The following MED27 variants were observed in gnomAD, a reference collection of about 807,000 sequenced individuals.
MED27 encodes mediator of RNA polymerase II transcription subunit 27.
MED27 carries 30 observed loss-of-function variants against 38.2 expected under a neutral mutation model. The observed-to-expected ratio is 0.79, with a 90% confidence interval of 0.59 to 1.07. The LOEUF is 1.07. Ranked by LOEUF, MED27 falls within the 50% of genes least tolerant of loss-of-function variation. The probability of loss-of-function intolerance (pLI) is 0.00; values close to 1 mark genes in which losing one functional copy is unlikely to be tolerated. For synonymous variants in MED27, 122 were observed against 153.5 expected, an observed-to-expected ratio of 0.79 and a Z score of 1.52; for missense variants, 289 against 397.5, an observed-to-expected ratio of 0.73 and a Z score of 2.32.
intron 3 of MED27, among the ~76,000 whole-genome samples, chr9:131,992,321 A>G (rs897288022): frequency 1.4e-4 from 22 of 152,216 alleles, no homozygotes; most frequent in Non-Finnish European, 1.8e-4. Flanking sequence ...GAACATGGAA[A>G]ACATCTCAAT....
At chr9:132,071,026 G>A (rs1833923292) in intron 2 of MED27, among the ~76,000 whole-genome samples, 1 of 152,316 alleles carries the variant, frequency 6.6e-6, no homozygotes, top group South Asian at 2.1e-4. Context: ...ACCACTGCCT[G>A]GAACCTGTCC....
chr9:131,955,499 G>A (rs1831078236), intron 3 of MED27, among the ~76,000 whole-genome samples: 1 of 152,138 alleles, frequency 6.6e-6, no homozygotes, highest in African/African-American at 2.4e-5. Context: ...CAACAAAACT[G>A]AGAAGTCGCT....
intron 3 of MED27, among the ~76,000 whole-genome samples, chr9:131,972,347 T>G (rs1212186092): frequency 2.6e-5 from 4 of 152,188 alleles, no homozygotes; most frequent in Non-Finnish European, 4.4e-5. Context: ...CACTTATTCT[T>G]ACACCAAATG....
At chr9:131,871,078 C>T (rs1383028157) in intron 6 of MED27, among the ~76,000 whole-genome samples, 1 of 152,072 alleles carries the variant, frequency 6.6e-6, no homozygotes, top group Non-Finnish European at 1.5e-5. Flanking sequence ...ACCCCAGATT[C>T]AGTGTGCATC....
chr9:131,989,698 A>C (rs1210674222), intron 3 of MED27, among the ~76,000 whole-genome samples: 1 of 152,106 alleles, frequency 6.6e-6, no homozygotes, highest in Non-Finnish European at 1.5e-5. Context: ...AGAACCATAC[A>C]ATAAACTTTT....
At chr9:132,002,656 A>C (rs1832263146) in intron 3 of MED27, among the ~76,000 whole-genome samples, 1 of 152,238 alleles carries the variant, frequency 6.6e-6, no homozygotes, top group Non-Finnish European at 1.5e-5. Flanking sequence ...TCTCGCCTAT[A>C]ATCCCAGCCC....
chr9:132,003,092 TA>T lies in MED27; in HGVS notation c.479+11244del, dbSNP rs113279679. ...GCTCTTTGTTATGCAAAGAGAGATT[TA>T]AAAAAAAAAATGGATCCAGCTTCTA... On this transcript the variant is annotated intron_variant, in intron 3 of 7. Coordinates refer to ENST00000292035, the MANE Select transcript of MED27 (RefSeq NM_004269.4). This position sits in a 1 kb window ranked among gnomAD's most constrained non-coding sequence, Gnocchi z 4.2. Among the ~76,000 whole-genome samples the T allele has an allele frequency of 0.015, 2,176 of 147,886 alleles. 46 individuals are homozygous for T. Among genetic ancestry groups the T allele is most frequent in the African/African-American group, 0.046 (1,843 of 40,466 alleles).
At chr9:131,911,230 G>A (rs774548030) in intron 4 of MED27, among the ~76,000 whole-genome samples, 7 of 152,182 alleles carry the variant, frequency 4.6e-5, no homozygotes, top group African/African-American at 7.2e-5. Flanking sequence ...AAGCCATAGC[G>A]TGCAGGAGGA....
intron 4 of MED27, among the ~76,000 whole-genome samples, chr9:131,916,567 C>A (rs1274414951): frequency 6.6e-6 from 1 of 152,234 alleles, no homozygotes; most frequent in South Asian, 2.1e-4. Flanking sequence ...CACTGTTCTT[C>A]GAACAACAAG....
chr9:132,046,908 G>C (rs1032706483), intron 2 of MED27, among the ~76,000 whole-genome samples: 1 of 151,980 alleles, frequency 6.6e-6, no homozygotes, highest in Non-Finnish European at 1.5e-5. Context: ...TTTTGGCTAA[G>C]GAATCAAAAA....
intron 5 of MED27, among the ~76,000 whole-genome samples, chr9:131,887,687 A>T (rs901623835): frequency 6.6e-6 from 1 of 152,248 alleles, no homozygotes; most frequent in Admixed American, 6.5e-5. Context: ...TATTCAAAAA[A>T]GGAGCATTCT....
chr9:132,006,274 A>C (rs528120190), intron 3 of MED27, among the ~76,000 whole-genome samples: 1 of 152,232 alleles, frequency 6.6e-6, no homozygotes, highest in Admixed American at 6.5e-5. Flanking sequence ...GGAAAAGGAG[A>C]CTGAGGAAAC....
chr9:132,025,489 A>C (rs144663270), intron 2 of MED27, among the ~76,000 whole-genome samples: 256 of 152,306 alleles, frequency 1.7e-3, no homozygotes, highest in African/African-American at 5.8e-3. Context: ...GCCCTGAGTG[A>C]ATTTTCTACT....
chr9:132,022,858 G>C (rs774009249), intron 2 of MED27, among the ~76,000 whole-genome samples: 6 of 152,168 alleles, frequency 3.9e-5, no homozygotes, highest in Non-Finnish European at 8.8e-5. Flanking sequence ...AAAACCGTCA[G>C]ATCTCATGAG....
chr9:131,893,927 T>TATCCC lies in MED27; in HGVS notation c.638_639insGGGAT (p.Ile213MetfsTer3). ...AGACATTCTCGTTATATCCCTTTAC[T>TATCCC]ATTGTTCGATCAATGAACAGGCTCC... is the stretch of plus-strand genomic sequence containing the variant. On this transcript the variant is annotated frameshift_variant, in exon 5 of 8. Coordinates refer to ENST00000292035, the MANE Select transcript of MED27 (RefSeq NM_004269.4). LOFTEE classifies it high-confidence loss of function. 1 of 1,614,204 alleles carries TATCCC rather than the reference T, an allele frequency of 6.2e-7. No individual in the cohort carries two copies. The highest frequency in any genetic ancestry group is 1.1e-5 in the South Asian group (1 of 91,078).
rs1031921913 is a variant in MED27, at chr9:132,051,620, A to G, written c.348+25822T>C. Among the ~76,000 whole-genome samples, 2 of 152,238 alleles carry G rather than the reference A, an allele frequency of 1.3e-5. No homozygotes were observed. The highest frequency in any genetic ancestry group is 4.8e-5 in the African/African-American group (2 of 41,462). ...AGCCTCCAGATCTGTGTTGTCCAAC[A>G]TAGTGGCCACTGGCTACAGGAGGCT... On this transcript the variant is annotated intron_variant, in intron 2 of 7. Transcript: ENST00000292035. This position sits in a 1 kb window ranked among gnomAD's most constrained non-coding sequence, Gnocchi z 4.2.
rs942652704 is a variant in MED27, at chr9:132,051,315, A to G, written c.348+26127T>C. ...GGGTAGAATTACAGCTAGCTAGTAC[A>G]TGGATTTCTGAAAGGATTAACCCAA... On this transcript the variant is annotated intron_variant, in intron 2 of 7. Coordinates refer to ENST00000292035, the MANE Select transcript of MED27 (RefSeq NM_004269.4). This position sits in a 1 kb window ranked among gnomAD's most constrained non-coding sequence, Gnocchi z 4.2. 3.3e-5 allele frequency among the ~76,000 whole-genome samples: 5 copies of G among 152,224 alleles called. No homozygotes were observed. Among genetic ancestry groups the G allele is most frequent in the Non-Finnish European group, 7.4e-5 (5 of 68,024 alleles).
chr9:131,926,555 T>C, intron 4 of MED27, among the ~76,000 whole-genome samples: 1 of 152,250 alleles, frequency 6.6e-6, no homozygotes, highest in Non-Finnish European at 1.5e-5. Context: ...ATTTCTGTAC[T>C]GCCTGTCAAG....
rs1012525378 is a variant in MED27, at chr9:132,049,623, C to T, written c.348+27819G>A. 8.5e-5 allele frequency among the ~76,000 whole-genome samples: 13 copies of T among 152,214 alleles called. No individual in the cohort carries two copies. The East Asian group carries it at 2.5e-3, about 29-fold the overall frequency. On this transcript the variant is annotated intron_variant, in intron 2 of 7. Transcript: ENST00000292035. ...GAATGTCCAGCAGAATACGGTCAGC[C>T]CAGCCGGGAAACCAGCACAGAGCAT...
Sources: gnomAD v4.1 joint callset for allele counts (sites outside exome capture counted in the v4.1 genomes callset) on GRCh38, gnomAD v4.1.1 for gene constraint, Gnocchi (gnomAD v3.1) non-coding constraint, MANE v1.5 for transcripts, NCBI Gene and HGNC (gene_info 2026-07-23, HGNC 2026-07-21) for gene names.